The following SGTA variants were observed in gnomAD, a reference collection of about 807,000 sequenced individuals.
SGTA encodes small glutamine rich tetratricopeptide repeat co-chaperone alpha, also known as small glutamine-rich tetratricopeptide repeat-containing protein alpha.
Under a neutral mutation model 44.3 loss-of-function variants are expected in SGTA, and 22 were observed. The ratio of observed to expected loss-of-function variants is 0.50; its 90% CI spans 0.36 to 0.71. The LOEUF (loss-of-function observed/expected upper bound fraction) is 0.71, where lower values mean the gene tolerates loss of function less well. SGTA is among the 30% of genes least tolerant of loss of function. The pLI, the probability that SGTA is intolerant of heterozygous loss-of-function variation, is 0.00. For synonymous variants in SGTA, 174 were observed against 177.6 expected (o/e 0.98, Z 0.16); for missense variants, 341 against 435.9 (o/e 0.78, Z 1.94).
At chr19:2,758,300 G>A (rs979032552) in intron 9 of SGTA, among the ~76,000 whole-genome samples, 6 of 152,182 alleles carry the variant, frequency 3.9e-5, no homozygotes, top group South Asian at 2.1e-4. Flanking sequence ...AGGCTGAGGC[G>A]GGTGGATCAC....
intron 1 of SGTA, among the ~76,000 whole-genome samples, chr19:2,782,210 G>T (rs1391313908): frequency 6.6e-6 from 1 of 152,150 alleles, no homozygotes; most frequent in Non-Finnish European, 1.5e-5. Context: ...TCCAAACCAG[G>T]GGGTCCCCCA....
intron 1 of SGTA, among the ~76,000 whole-genome samples, chr19:2,769,852 C>T (rs1384462917): frequency 7.1e-6 from 1 of 140,504 alleles, no homozygotes; most frequent in Non-Finnish European, 1.6e-5. Flanking sequence ...CCTGGTTCCC[C>T]CAGCGGACAC....
Position 2,761,929 on chromosome 19 carries a change from G to A in SGTA, c.637-407C>T, listed in dbSNP as rs557375816. Among the ~76,000 whole-genome samples the A allele has an allele frequency of 9.3e-5, 14 of 151,036 alleles. No individual in the cohort carries two copies. The highest frequency in any genetic ancestry group is 5.9e-4 in the Admixed American group (9 of 15,174). On this transcript the variant is annotated intron_variant, in intron 7 of 11. Coordinates refer to ENST00000221566, the MANE Select transcript of SGTA (RefSeq NM_003021.4). This position sits in a 1 kb window ranked among gnomAD's most constrained non-coding sequence, Gnocchi z 5.7. Reference sequence around the variant, plus strand: ...CGGGGACGGCACAGTCTATCATCCCGTGTTGATTTCCTGTATTCTGCCGCT... The same window carrying A: ...CGGGGACGGCACAGTCTATCATCCCATGTTGATTTCCTGTATTCTGCCGCT...
At chr19:2,772,668 C>T (rs1386296990) in intron 1 of SGTA, among the ~76,000 whole-genome samples, 1 of 152,226 alleles carries the variant, frequency 6.6e-6, no homozygotes. Context: ...CAGTGTACGG[C>T]GGGTCCCTAG....
At position 2,767,069 on chromosome 19, in the gene SGTA, C is replaced by A; in HGVS notation, c.292+67G>T. The A allele has an allele frequency of 4.9e-6, 6 of 1,222,798 alleles. No individual in the cohort carries two copies. Among genetic ancestry groups the A allele is most frequent in the Non-Finnish European group, 7.1e-6 (6 of 844,884 alleles). The allele number at this position is 1,222,798 out of a possible 1,614,324, so 75.7% of individuals were successfully genotyped here. On this transcript the variant is annotated intron_variant, in intron 4 of 11. Transcript: ENST00000221566. This position sits in a 1 kb window ranked among gnomAD's most constrained non-coding sequence, Gnocchi z 7.3. ...GGCCCCAGGGACCAGCTGGCCTCTG[C>A]GAGGGTCCCACAGCCCCGGAGTCCA...
intron 1 of SGTA, among the ~76,000 whole-genome samples, chr19:2,781,610 C>T (rs1915576798): frequency 2.0e-5 from 3 of 152,138 alleles, no homozygotes; most frequent in African/African-American, 7.2e-5. Context: ...AATCCCCATT[C>T]CACAGAAGAA....
chr19:2,765,551 G>A lies in SGTA; in HGVS notation c.293-266C>T, dbSNP rs573920233. ...GGGCCTGGCCTGGCCTGTGCCTGGCGACGGTGGCTGTCACTGCCTGGATGG... is the reference window on the plus strand; with the variant it reads ...GGGCCTGGCCTGGCCTGTGCCTGGCAACGGTGGCTGTCACTGCCTGGATGG... On this transcript the variant is annotated intron_variant, in intron 4 of 11. Transcript: ENST00000221566. This position sits in a 1 kb window ranked among gnomAD's most constrained non-coding sequence, Gnocchi z 5.5. Among the ~76,000 whole-genome samples the A allele has an allele frequency of 4.3e-4, 65 of 152,330 alleles. No homozygotes were observed. Among genetic ancestry groups the A allele is most frequent in the African/African-American group, 1.4e-3 (59 of 41,578 alleles).
intron 1 of SGTA, chr19:2,782,522 C>T (rs573287226): frequency 6.6e-6 from 1 of 152,296 alleles, no homozygotes; most frequent in Non-Finnish European, 1.5e-5. Context: ...TTTTACAACT[C>T]GTTTGCGAAA....
chr19:2,756,632 C>T (rs1914825450), intron 11 of SGTA, among the ~76,000 whole-genome samples: 1 of 152,024 alleles, frequency 6.6e-6, no homozygotes, highest in Admixed American at 6.6e-5. Flanking sequence ...AGGCCCGGAG[C>T]CTCCCGCCCC....
Position 2,755,683 on chromosome 19 carries a change from C to T in SGTA, c.*257G>A, listed in dbSNP as rs1914802960. 1.0e-6 allele frequency: 1 copy of T among 985,480 alleles called. No individual in the cohort carries two copies. Among genetic ancestry groups the T allele is most frequent in the Non-Finnish European group, 1.2e-6 (1 of 829,990 alleles). 61.0% of individuals were successfully genotyped at this position (985,480 alleles called of 1,614,324 possible). On this transcript the variant is annotated 3_prime_UTR_variant, in exon 12 of 12. Coordinates refer to ENST00000221566, the MANE Select transcript of SGTA (RefSeq NM_003021.4). This position sits in a 1 kb window ranked among gnomAD's most constrained non-coding sequence, Gnocchi z 5.2. ...CTCAAGTGACCGAGCTTTCTGGGGG[C>T]TGGAAGGGAGGTCGCTGCTGGTCTG...
chr19:2,781,348 G>A (rs1040457725), intron 1 of SGTA, among the ~76,000 whole-genome samples: 4 of 152,162 alleles, frequency 2.6e-5, no homozygotes, highest in African/African-American at 9.7e-5. Flanking sequence ...TATTTTAGGG[G>A]TCAGCAAAGG....
At chr19:2,769,586 G>A (rs1204860817) in intron 1 of SGTA, among the ~76,000 whole-genome samples, 1 of 151,946 alleles carries the variant, frequency 6.6e-6, no homozygotes. Flanking sequence ...CTCTTTTGTG[G>A]CATGTCAGCA....
chr19:2,756,927 T>G (rs1168125623), intron 11 of SGTA, among the ~76,000 whole-genome samples: 1 of 152,116 alleles, frequency 6.6e-6, no homozygotes, highest in Admixed American at 6.5e-5. Context: ...GGCTTGTCCT[T>G]TCCACCACTC....
chr19:2,757,295 C>T lies in SGTA; in HGVS notation c.*6+42G>A, dbSNP rs758401648. 14 of 1,590,432 alleles carry T rather than the reference C, an allele frequency of 8.8e-6. 1 individual carries two copies. The South Asian group carries it at 1.6e-4, about 18-fold the overall frequency. ...ACTGCCAGGCACTCACGTGGTGTCA[C>T]TCCTGCTGGCCACCCCCCAGCCCCC... On this transcript the variant is annotated intron_variant, in intron 11 of 11. Transcript: ENST00000221566.
At chr19:2,770,482 T>G (rs1257824970) in intron 1 of SGTA, 1 of 152,472 alleles carries the variant, frequency 6.6e-6, no homozygotes, top group South Asian at 2.0e-4. Context: ...CAGGAAGGCT[T>G]GGCCTCACTG....
chr19:2,782,307 G>A (rs1355241740), intron 1 of SGTA, among the ~76,000 whole-genome samples: 1 of 152,130 alleles, frequency 6.6e-6, no homozygotes, highest in Non-Finnish European at 1.5e-5. Flanking sequence ...GAGGGAAAAG[G>A]CAGACAAAAG....
intron 1 of SGTA, among the ~76,000 whole-genome samples, chr19:2,769,741 AC>A (rs1216703566): frequency 1.7e-5 from 2 of 118,380 alleles, no homozygotes; most frequent in East Asian, 2.8e-4. Flanking sequence ...TCCACCTCAG[AC>A]CCCCCTCTAG....
In SGTA at chr19:2,762,558, T is replaced by C. The variant is rs1448926265; in HGVS notation, c.584A>G (p.Tyr195Cys). 2 of 1,614,134 alleles carry C rather than the reference T, an allele frequency of 1.2e-6. No homozygotes were observed. The highest frequency in any genetic ancestry group is 8.5e-7 in the Non-Finnish European group (1 of 1,179,982). ...ALELDPDNET[Y>C]KSNLKIAELK... ...CTCCGCTATCTTGAGGTTGGACTTGTATGTCTCGTTGTCGGGGTCCAGCTC... is the reference window on the plus strand; with the variant it reads ...CTCCGCTATCTTGAGGTTGGACTTGCATGTCTCGTTGTCGGGGTCCAGCTC... The change falls in exon 7 of 12, where the codon TAC becomes TGC. Residue 195 changes from tyrosine to cysteine, a missense_variant. By Grantham distance (194) the Tyr-to-Cys change is radical (BLOSUM62 -2). Coordinates refer to ENST00000221566, the MANE Select transcript of SGTA (RefSeq NM_003021.4).
intron 11 of SGTA, among the ~76,000 whole-genome samples, chr19:2,756,371 G>T (rs1452674712): frequency 6.6e-6 from 1 of 151,220 alleles, no homozygotes; most frequent in South Asian, 2.1e-4. Context: ...CGGGAGGATC[G>T]CTTGAGCCCA....
Sources: allele counts gnomAD v4.1 joint callset (sites outside exome capture counted in the v4.1 genomes callset), GRCh38; gene constraint gnomAD v4.1.1; non-coding constraint Gnocchi (gnomAD v3.1); transcripts MANE v1.5; gene names NCBI Gene and HGNC (gene_info 2026-07-23, HGNC 2026-07-21).